FBXO34: variants seen among roughly 807,000 people sequenced by gnomAD.
FBXO34 encodes the protein F-box only protein 34.
In FBXO34, 12 loss-of-function variants were observed where a neutral mutation model predicts 24.5. That is an observed-to-expected ratio of 0.49 (90% confidence interval 0.31 to 0.79). FBXO34 has a LOEUF of 0.79. Ranked by LOEUF, FBXO34 falls within the 30% of genes least tolerant of loss-of-function variation. The pLI is 0.04. For missense variants in FBXO34, 823 were observed against 857.7 expected, an observed-to-expected ratio of 0.96 and a Z score of 0.51; for synonymous variants, 320 against 311.9, an observed-to-expected ratio of 1.03 and a Z score of -0.27.
the FBXO34 span, chr14:55,378,123 CTA>C: frequency 1.4e-5 from 22 of 1,518,522 alleles, no homozygotes; most frequent in African/African-American, 2.1e-4. Context: ...TGAGGAAATT[CTA>C]TGTTAAAATT....
downstream of FBXO34, among the ~76,000 whole-genome samples, chr14:55,365,325 A>G (rs1409262427): frequency 6.6e-6 from 1 of 151,910 alleles, no homozygotes; most frequent in African/African-American, 2.4e-5. Flanking sequence ...TTGGCCTCCT[A>G]AAGTGCTGGG....
intron 1 of FBXO34, among the ~76,000 whole-genome samples, chr14:55,298,041 TA>T (rs1184886570): frequency 6.6e-6 from 1 of 152,180 alleles, no homozygotes; most frequent in East Asian, 1.9e-4. Flanking sequence ...TTGATTCCAG[TA>T]AGTGGAGGAA....
chr14:55,271,793 G>T (rs1307782236), intron 1 of FBXO34: 9 of 151,968 alleles, frequency 5.9e-5, no homozygotes, highest in African/African-American at 2.2e-4. Context: ...GGGTCGGGCG[G>T]GTAGGGAGCG....
chr14:55,320,223 A>C (rs1053846805), intron 1 of FBXO34, among the ~76,000 whole-genome samples: 1 of 152,114 alleles, frequency 6.6e-6, no homozygotes, highest in African/African-American at 2.4e-5. Flanking sequence ...ACTCATTGGC[A>C]TGGTTTGGGG....
At chr14:55,415,607 G>A in the FBXO34 span, among the ~76,000 whole-genome samples, 1 of 152,168 alleles carries the variant, frequency 6.6e-6, no homozygotes, top group Non-Finnish European at 1.5e-5. Flanking sequence ...GCTCACACCT[G>A]TAATCCCAGC....
downstream of FBXO34, chr14:55,369,543 A>G: frequency 7.6e-7 from 1 of 1,312,612 alleles, no homozygotes; most frequent in Non-Finnish European, 1.0e-6. Context: ...CTTAACTTAA[A>G]CAGAAAATGT....
chr14:55,339,507 T>G (rs1301829990), intron 1 of FBXO34: 1 of 152,082 alleles, frequency 6.6e-6, no homozygotes, highest in Non-Finnish European at 1.5e-5. Flanking sequence ...ATTCCAAGTT[T>G]TGTCAGATTC....
downstream of FBXO34, chr14:55,369,709 T>C (rs1276674552): frequency 6.2e-7 from 1 of 1,610,096 alleles, no homozygotes; most frequent in Non-Finnish European, 8.5e-7. Context: ...TCGCGATGGG[T>C]GGGGACGCCT....
chr14:55,288,950 C>G (rs951054022), intron 1 of FBXO34, among the ~76,000 whole-genome samples: 2 of 152,088 alleles, frequency 1.3e-5, no homozygotes, highest in African/African-American at 4.8e-5. Flanking sequence ...ACTGGAGAGG[C>G]TGAGGCAGGA....
the FBXO34 span, among the ~76,000 whole-genome samples, chr14:55,423,010 G>A: frequency 6.6e-6 from 1 of 151,600 alleles, no homozygotes; most frequent in African/African-American, 2.4e-5. Flanking sequence ...AACAAATATA[G>A]CAAAGAATAA....
At chr14:55,402,926 A>G in the FBXO34 span, among the ~76,000 whole-genome samples, 1 of 16,396 alleles carries the variant, frequency 6.1e-5, no homozygotes, top group Non-Finnish European at 1.1e-4. Context: ...AAAAAAAAAA[A>G]ATATATATAT....
At chr14:55,393,164 G>A in the FBXO34 span, among the ~76,000 whole-genome samples, 4 of 152,092 alleles carry the variant, frequency 2.6e-5, no homozygotes, top group Admixed American at 1.3e-4. Context: ...GGCGGATCAC[G>A]AGGTCAGGAG....
chr14:55,273,188 CT>C (rs1253584678), intron 1 of FBXO34, among the ~76,000 whole-genome samples: 12 of 147,844 alleles, frequency 8.1e-5, no homozygotes, highest in Admixed American at 4.6e-4. Context: ...TTTTTTTTTC[CT>C]CTCTCTCAAT....
the FBXO34 span, among the ~76,000 whole-genome samples, chr14:55,431,102 C>A: frequency 1.3e-5 from 2 of 152,196 alleles, no homozygotes; most frequent in East Asian, 1.9e-4. Context: ...ACTTTTCCTA[C>A]GCAAACACAG....
intron 1 of FBXO34, among the ~76,000 whole-genome samples, chr14:55,311,653 G>A (rs145161707): frequency 2.1e-4 from 32 of 152,276 alleles, no homozygotes; most frequent in African/African-American, 7.0e-4. Flanking sequence ...AGAGAAATTA[G>A]CCCAAACAAA....
At chr14:55,311,450 A>G (rs938309463) in intron 1 of FBXO34, among the ~76,000 whole-genome samples, 70 of 152,148 alleles carry the variant, frequency 4.6e-4, no homozygotes, top group African/African-American at 1.6e-3. Context: ...TTCAAAGCCA[A>G]TCATGCCTTC....
chr14:55,436,866 G>A, the FBXO34 span: 13 of 1,614,098 alleles, frequency 8.1e-6, no homozygotes, highest in Non-Finnish European at 1.1e-5. Flanking sequence ...CATCTGGTAG[G>A]AAGCTAAGAT....
chr14:55,384,135 T>C, the FBXO34 span, among the ~76,000 whole-genome samples: 1 of 152,212 alleles, frequency 6.6e-6, no homozygotes, highest in Non-Finnish European at 1.5e-5. Context: ...GAAACCTTAT[T>C]AGAAGGGTAA....
the FBXO34 span, among the ~76,000 whole-genome samples, chr14:55,418,240 T>G: frequency 6.6e-6 from 1 of 152,184 alleles, no homozygotes; most frequent in Non-Finnish European, 1.5e-5. Flanking sequence ...TTCACCTTTG[T>G]CCCCAGCCCC....
Sources: gnomAD v4.1 joint callset for allele counts (sites outside exome capture counted in the v4.1 genomes callset) on GRCh38, gnomAD v4.1.1 for gene constraint, MANE v1.5 for transcripts, NCBI Gene and HGNC (gene_info 2026-07-23, HGNC 2026-07-21) for gene names.